Variants in STXBP5 observed in about 807,000 individuals in gnomAD.
The protein encoded by STXBP5 is syntaxin-binding protein 5.
In STXBP5, 50 loss-of-function variants were observed where a neutral mutation model predicts 152.4. The observed-to-expected ratio is 0.33, with a 90% CI of 0.26 to 0.42. The LOEUF (loss-of-function observed/expected upper bound fraction) is 0.42, where lower values mean the gene tolerates loss of function less well. Ranked by LOEUF, STXBP5 falls within the 10% of genes least tolerant of loss-of-function variation. The pLI, the probability that STXBP5 is intolerant of heterozygous loss-of-function variation, is 1.00. For missense variants in STXBP5, 1,167 were observed against 1,388.6 expected, an observed-to-expected ratio of 0.84 and a Z score of 2.54; for synonymous variants, 492 against 494.7, an observed-to-expected ratio of 0.99 and a Z score of 0.07.
chr6:147,316,494 C>A (rs1782653633), intron 16 of STXBP5, 87 bp downstream of exon 16: 2 of 1,196,590 alleles, frequency 1.7e-6, no homozygotes, highest in African/African-American at 1.6e-5. Flanking sequence ...GTAACATTTT[C>A]TTTTGATATA....
intron 2 of STXBP5, among the ~76,000 whole-genome samples, chr6:147,233,762 A>G (rs1452743112): frequency 6.6e-6 from 1 of 151,382 alleles, no homozygotes; most frequent in African/African-American, 2.4e-5. Flanking sequence ...CACATTGCCA[A>G]TACTATTAAT....
chr6:147,273,083 A>G (rs1780255196), intron 7 of STXBP5, among the ~76,000 whole-genome samples: 2 of 151,908 alleles, frequency 1.3e-5, no homozygotes, highest in African/African-American at 4.8e-5. Context: ...CCAGGTGCAA[A>G]GGCACATGTC....
chr6:147,275,644 A>G (rs1582877783), intron 7 of STXBP5, among the ~76,000 whole-genome samples: 1 of 124,754 alleles, frequency 8.0e-6, no homozygotes, highest in African/African-American at 3.2e-5. Context: ...TGCAAGCTCC[A>G]CCTCCCGGGT....
intron 6 of STXBP5, among the ~76,000 whole-genome samples, chr6:147,263,685 A>G (rs1779752576): frequency 6.6e-6 from 1 of 151,928 alleles, no homozygotes; most frequent in South Asian, 2.1e-4. Context: ...ATGTTTCCAT[A>G]CCTTTGTTTA....
chr6:147,213,944 A>G (rs542261609), intron 2 of STXBP5, among the ~76,000 whole-genome samples: 1 of 152,322 alleles, frequency 6.6e-6, no homozygotes, highest in East Asian at 1.9e-4. Context: ...GAAGCAAAAC[A>G]AAGTGATTAC....
chr6:147,301,887 T>A (rs150567494), intron 9 of STXBP5, among the ~76,000 whole-genome samples: 1 of 152,200 alleles, frequency 6.6e-6, no homozygotes, highest in Non-Finnish European at 1.5e-5. Context: ...ACTTCAGACC[T>A]GCTACTGCTG....
At position 147,235,262 on chromosome 6, in the gene STXBP5, A is replaced by G. The variant is rs59369667; in HGVS notation, c.261A>G (p.Pro87=). 3.7e-6 allele frequency: 6 copies of G among 1,613,420 alleles called. No homozygotes were observed. In the African/African-American group the frequency reaches 8.0e-5, roughly 22 times the overall value. The change falls in exon 3 of 28, where the codon CCA becomes CCG. Residue 87 remains proline, a synonymous_variant. Transcript: ENST00000321680. The part of the protein sequence containing the change: ...QTGALRLFGR[P]GVECYCQHDS... ...GAATTAATTACAGCTTTGGTCGTCCAGGAGTAGAATGTTATTGCCAGCATG... is the reference window on the plus strand; with the variant it reads ...GAATTAATTACAGCTTTGGTCGTCCGGGAGTAGAATGTTATTGCCAGCATG...
At chr6:147,355,694 T>C (rs1784785334) in intron 22 of STXBP5, among the ~76,000 whole-genome samples, 2 of 152,086 alleles carry the variant, frequency 1.3e-5, no homozygotes, top group Non-Finnish European at 2.9e-5. Context: ...TGTTTAATTG[T>C]TTGTTAAATT....
At chr6:147,242,857 C>G (rs1778617429) in intron 4 of STXBP5, among the ~76,000 whole-genome samples, 1 of 152,154 alleles carries the variant, frequency 6.6e-6, no homozygotes, top group Non-Finnish European at 1.5e-5. Context: ...TGGAATCATA[C>G]ATATAGCATG....
At chr6:147,315,879 G>T in intron 15 of STXBP5, 144 bp downstream of exon 15, 1 of 699,522 alleles carries the variant, frequency 1.4e-6, no homozygotes, top group Non-Finnish European at 2.4e-6. Context: ...TCTCTCTTTT[G>T]TAAAAAACAG....
At chr6:147,347,673 A>C (rs1208372696) in intron 21 of STXBP5, among the ~76,000 whole-genome samples, 1 of 152,212 alleles carries the variant, frequency 6.6e-6, no homozygotes, top group Non-Finnish European at 1.5e-5. Context: ...ACTGTCTAAT[A>C]GTTACAGAAA....
At chr6:147,365,318 C>T (rs1283724364) in intron 25 of STXBP5, among the ~76,000 whole-genome samples, 6 of 152,056 alleles carry the variant, frequency 3.9e-5, no homozygotes, top group South Asian at 2.1e-4. Context: ...TGTTTTCTGT[C>T]GGAAGGATAA....
intron 2 of STXBP5, among the ~76,000 whole-genome samples, chr6:147,224,140 G>T (rs1455260464): frequency 6.6e-6 from 1 of 152,176 alleles, no homozygotes; most frequent in Non-Finnish European, 1.5e-5. Flanking sequence ...AACATGCAGG[G>T]CTTGGCCAGG....
At chr6:147,304,425 C>A (rs1781985313) in intron 9 of STXBP5, among the ~76,000 whole-genome samples, 2 of 152,126 alleles carry the variant, frequency 1.3e-5, no homozygotes, top group African/African-American at 4.8e-5. Flanking sequence ...GTTTGGAAAT[C>A]CCTGGATGTC....
chr6:147,231,965 A>G (rs1778028634), intron 2 of STXBP5, among the ~76,000 whole-genome samples: 1 of 151,918 alleles, frequency 6.6e-6, no homozygotes, highest in African/African-American at 2.4e-5. Context: ...TGGTATGTCC[A>G]CTGTCAGGGA....
chr6:147,328,205 A>G (rs1240687905), intron 18 of STXBP5, among the ~76,000 whole-genome samples: 1 of 152,184 alleles, frequency 6.6e-6, no homozygotes, highest in Non-Finnish European at 1.5e-5. Flanking sequence ...AAAAGATGGC[A>G]TTTGATATAT....
At chr6:147,279,530 T>C (rs1486783144) in intron 8 of STXBP5, among the ~76,000 whole-genome samples, 1 of 152,222 alleles carries the variant, frequency 6.6e-6, no homozygotes, top group African/African-American at 2.4e-5. Context: ...CTGTGGCATA[T>C]GGGATTTTAG....
intron 16 of STXBP5, among the ~76,000 whole-genome samples, chr6:147,317,618 G>C (rs1042989865): frequency 6.6e-6 from 1 of 152,126 alleles, no homozygotes; most frequent in African/African-American, 2.4e-5. Flanking sequence ...GAGAACCTCT[G>C]ATCCAAACAG....
chr6:147,249,583 G>A (rs1185335931), intron 4 of STXBP5, among the ~76,000 whole-genome samples: 1 of 152,116 alleles, frequency 6.6e-6, no homozygotes, highest in East Asian at 1.9e-4. Context: ...AAGTGTTGAG[G>A]GTGCGAGCCG....
Sources: gnomAD v4.1 joint callset for allele counts (sites outside exome capture counted in the v4.1 genomes callset) on GRCh38, gnomAD v4.1.1 for gene constraint, MANE v1.5 for transcripts, NCBI Gene and HGNC (gene_info 2026-07-23, HGNC 2026-07-21) for gene names.